Variants in LHFPL3 observed in about 807,000 individuals in gnomAD.
The protein encoded by LHFPL3 is LHFPL tetraspan subfamily member 3.
LHFPL3 carries 5 observed loss-of-function variants against 19.3 expected under a neutral mutation model. That is an observed-to-expected ratio of 0.26 (90% CI 0.14 to 0.54). The LOEUF (loss-of-function observed/expected upper bound fraction) is 0.54, where lower values mean the gene tolerates loss of function less well. Ranked by LOEUF, LHFPL3 falls within the 20% of genes least tolerant of loss-of-function variation. The pLI is 0.94. For missense variants in LHFPL3, 249 were observed against 307.4 expected (o/e 0.81, Z 1.42); for synonymous variants, 133 against 126.2 (o/e 1.05, Z -0.36).
chr7:104,806,923 C>CCT (rs765476552), intron 2 of LHFPL3, among the ~76,000 whole-genome samples: 94 of 152,056 alleles, frequency 6.2e-4, no homozygotes, highest in Non-Finnish European at 1.2e-3. Context: ...TTTTCTCAGT[C>CCT]CTCTCTTCCA....
At chr7:104,478,644 A>G (rs147858604) in intron 1 of LHFPL3, among the ~76,000 whole-genome samples, 1 of 152,158 alleles carries the variant, frequency 6.6e-6, no homozygotes, top group Admixed American at 6.5e-5. Flanking sequence ...TGAATGATAC[A>G]GTGTGTTCCA....
chr7:104,434,459 A>G (rs144737690), intron 1 of LHFPL3, among the ~76,000 whole-genome samples: 115 of 152,378 alleles, frequency 7.5e-4, no homozygotes, highest in African/African-American at 2.7e-3. Context: ...GGGGTCTAGG[A>G]TACAGAAAAC....
At chr7:104,742,885 G>A (rs1310413431) in intron 2 of LHFPL3, among the ~76,000 whole-genome samples, 1 of 152,020 alleles carries the variant, frequency 6.6e-6, no homozygotes, top group Non-Finnish European at 1.5e-5. Flanking sequence ...ATGGGAGGCC[G>A]AGTCAGGATG....
At position 104,655,301 on chromosome 7, in the gene LHFPL3, A is replaced by G. The variant is rs1040692059; in HGVS notation, c.446-81374A>G. Among the ~76,000 whole-genome samples, 8 of 152,198 alleles carry G rather than the reference A, an allele frequency of 5.3e-5. No individual in the cohort carries two copies. In the East Asian group the frequency reaches 1.5e-3, roughly 29 times the overall value. ...TCAGTGCAAGCATAGCTGGCATCCT[A>G]TTAATGCTTTTGACTGGTAATTAAA... On this transcript the variant is annotated intron_variant, in intron 1 of 2. Transcript: ENST00000424859.
chr7:104,626,801 C>G (rs1791553704), intron 1 of LHFPL3, among the ~76,000 whole-genome samples: 3 of 152,096 alleles, frequency 2.0e-5, no homozygotes, highest in Admixed American at 1.3e-4. Flanking sequence ...AGACAAGGGT[C>G]TACTATATTT....
intron 1 of LHFPL3, among the ~76,000 whole-genome samples, chr7:104,598,708 G>T (rs770977658): frequency 6.6e-6 from 1 of 152,212 alleles, no homozygotes; most frequent in Non-Finnish European, 1.5e-5. Flanking sequence ...CAATGCTCTT[G>T]CTCATTCCTT....
At chr7:104,530,712 A>G (rs992131419) in intron 1 of LHFPL3, among the ~76,000 whole-genome samples, 2 of 152,310 alleles carry the variant, frequency 1.3e-5, no homozygotes, top group Non-Finnish European at 2.9e-5. Flanking sequence ...AAGAAACGGA[A>G]CTGATTTAAC....
chr7:104,653,497 A>G (rs1792069862), intron 1 of LHFPL3, among the ~76,000 whole-genome samples: 1 of 152,200 alleles, frequency 6.6e-6, no homozygotes, highest in African/African-American at 2.4e-5. Flanking sequence ...ACCAGATAGT[A>G]AATAATTTAG....
intron 2 of LHFPL3, among the ~76,000 whole-genome samples, chr7:104,892,660 G>T (rs928917444): frequency 2.2e-5 from 3 of 139,482 alleles, no homozygotes; most frequent in Admixed American, 1.5e-4. Flanking sequence ...GCAGTGAGCT[G>T]AGACCACGCC....
chr7:104,631,560 G>C (rs1043979078), intron 1 of LHFPL3, among the ~76,000 whole-genome samples: 4 of 152,176 alleles, frequency 2.6e-5, no homozygotes, highest in African/African-American at 7.2e-5. Context: ...TTTGCTATAA[G>C]TAAACTATGA....
At chr7:104,724,350 G>A (rs1288165922) in intron 1 of LHFPL3, among the ~76,000 whole-genome samples, 1 of 151,626 alleles carries the variant, frequency 6.6e-6, no homozygotes, top group African/African-American at 2.4e-5. Flanking sequence ...CAAGTAGGAG[G>A]AGTTCGGATA....
chr7:104,396,219 A>G (rs2116483129), intron 1 of LHFPL3, among the ~76,000 whole-genome samples: 1 of 152,332 alleles, frequency 6.6e-6, no homozygotes, highest in South Asian at 2.1e-4. Context: ...AGAGTTAGGC[A>G]AGTTCTCTTC....
In LHFPL3 at chr7:104,343,125, C is replaced by T. The variant is rs141782989; in HGVS notation, c.445+13901C>T. The stretch of plus-strand genomic sequence containing the variant: ...GGAATGAGTCTCACTTATAATTCTT[C>T]GTCTCCAAGTCTCATGATGACATGA... On this transcript the variant is annotated intron_variant, in intron 1 of 2. Coordinates refer to ENST00000424859, the MANE Select transcript of LHFPL3 (RefSeq NM_199000.3). Among the ~76,000 whole-genome samples the T allele has an allele frequency of 2.4e-3, 364 of 151,182 alleles. 1 individual carries two copies. The highest frequency in any genetic ancestry group is 8.6e-3 in the African/African-American group (354 of 41,126).
At chr7:104,333,486 A>T (rs1463444892) in intron 1 of LHFPL3, among the ~76,000 whole-genome samples, 1 of 152,200 alleles carries the variant, frequency 6.6e-6, no homozygotes, top group African/African-American at 2.4e-5. Context: ...TGAGTGTACC[A>T]GCAAGAAGGG....
At chr7:104,857,069 G>A (rs983789893) in intron 2 of LHFPL3, among the ~76,000 whole-genome samples, 8 of 152,144 alleles carry the variant, frequency 5.3e-5, no homozygotes, top group African/African-American at 1.7e-4. Flanking sequence ...TTTCACCCGC[G>A]TGATAACTTA....
At chr7:104,780,697 C>G (rs1794703663) in intron 2 of LHFPL3, among the ~76,000 whole-genome samples, 1 of 152,178 alleles carries the variant, frequency 6.6e-6, no homozygotes, top group South Asian at 2.1e-4. Context: ...ACTCTCAAGC[C>G]CTGCCACCTT....
intron 1 of LHFPL3, among the ~76,000 whole-genome samples, chr7:104,622,224 C>T (rs191965206): frequency 9.8e-4 from 149 of 152,254 alleles, no homozygotes; most frequent in African/African-American, 3.4e-3. Flanking sequence ...CCTCTCACCG[C>T]TCAGCCTCCT....
chr7:104,479,398 T>TC (rs1793086617), intron 1 of LHFPL3, among the ~76,000 whole-genome samples: 1 of 51,416 alleles, frequency 1.9e-5, no homozygotes, highest in African/African-American at 5.9e-5. Flanking sequence ...TTCCACTTCT[T>TC]TTTTTTTTTT....
intron 1 of LHFPL3, among the ~76,000 whole-genome samples, chr7:104,396,682 C>T (rs942328867): frequency 5.3e-5 from 8 of 150,914 alleles, no homozygotes; most frequent in East Asian, 3.9e-4. Flanking sequence ...AGAGGGCAGG[C>T]GCAGTGGCTC....
Sources: allele counts gnomAD v4.1 joint callset (sites outside exome capture counted in the v4.1 genomes callset), GRCh38; gene constraint gnomAD v4.1.1; transcripts MANE v1.5; gene names NCBI Gene and HGNC (gene_info 2026-07-23, HGNC 2026-07-21).